MEGF11: variants seen among roughly 807,000 people sequenced by gnomAD.
The protein encoded by MEGF11 is multiple epidermal growth factor-like domains protein 11.
A neutral mutation model predicts 146.6 loss-of-function variants in MEGF11; 126 were observed. That is an observed-to-expected ratio of 0.86 (90% confidence interval 0.74 to 1.00). The LOEUF is 1.00. Among genes scored for constraint, MEGF11 ranks in the 50% least tolerant of loss-of-function variants. The pLI is 0.00. For missense variants in MEGF11, 1,509 were observed against 1,521.2 expected (o/e 0.99, Z 0.13); for synonymous variants, 532 against 583.4 (o/e 0.91, Z 1.27).
intron 4 of MEGF11, among the ~76,000 whole-genome samples, chr15:66,109,244 T>G (rs1238725087): frequency 6.6e-6 from 1 of 152,084 alleles, no homozygotes; most frequent in Non-Finnish European, 1.5e-5. Context: ...CCTTCACTGG[T>G]GGTCCATGCT....
chr15:66,205,457 A>T (rs1567283349), intron 1 of MEGF11, among the ~76,000 whole-genome samples: 1 of 152,076 alleles, frequency 6.6e-6, no homozygotes, highest in Non-Finnish European at 1.5e-5. Flanking sequence ...GGTGGTGGGG[A>T]TAACAGCCAT....
intron 15 of MEGF11, chr15:65,922,004 C>G: frequency 3.1e-6 from 1 of 327,182 alleles, no homozygotes; most frequent in Admixed American, 4.7e-5. Context: ...GCACTCGGCA[C>G]AGACCACATG....
chr15:65,997,169 G>T (rs1189624112), intron 5 of MEGF11, among the ~76,000 whole-genome samples: 3 of 152,224 alleles, frequency 2.0e-5, no homozygotes, highest in Non-Finnish European at 4.4e-5. Flanking sequence ...AATGACCCCT[G>T]GTTTCCCTGG....
chr15:66,178,562 G>C (rs2090455067), intron 1 of MEGF11, among the ~76,000 whole-genome samples: 1 of 152,222 alleles, frequency 6.6e-6, no homozygotes, highest in Non-Finnish European at 1.5e-5. Context: ...ATGCACAGCA[G>C]TCAGGAGAGC....
intron 4 of MEGF11, among the ~76,000 whole-genome samples, chr15:66,104,399 T>C (rs890793630): frequency 6.6e-6 from 1 of 152,240 alleles, no homozygotes; most frequent in Non-Finnish European, 1.5e-5. Flanking sequence ...CCTCTTACCC[T>C]CTTACCATAG....
intron 13 of MEGF11, among the ~76,000 whole-genome samples, chr15:65,923,828 T>G (rs1221872546): frequency 6.6e-6 from 1 of 152,186 alleles, no homozygotes; most frequent in African/African-American, 2.4e-5. Context: ...CCCTACAGCC[T>G]GAAGGTGAAG....
rs1555471326 is a variant in MEGF11 at position 66,107,064 on chromosome 15, C to CCA, written c.301+12021_301+12022insTG. ...AATGTTTATATTCCTACCCCCCCAC[C>CCA]AGGTATAGACAGGGAGGGGATGGTG... is the stretch of plus-strand genomic sequence containing the variant. On this transcript the variant is annotated intron_variant, in intron 4 of 25. Transcript: ENST00000395614. Among the ~76,000 whole-genome samples the CCA allele has an allele frequency of 2.6e-4, 39 of 148,344 alleles. No homozygotes were observed. In the South Asian group the frequency reaches 7.3e-3, roughly 28 times the overall value.
At chr15:66,132,131 G>A (rs1313824141) in intron 1 of MEGF11, among the ~76,000 whole-genome samples, 1 of 152,180 alleles carries the variant, frequency 6.6e-6, no homozygotes, top group African/African-American at 2.4e-5. Context: ...TTTGCTGGCT[G>A]AGCAGATCTT....
At chr15:66,099,291 T>C (rs2086687326) in intron 4 of MEGF11, among the ~76,000 whole-genome samples, 1 of 149,960 alleles carries the variant, frequency 6.7e-6, no homozygotes, top group South Asian at 2.1e-4. Context: ...CAAGTGATTC[T>C]CCTGCCTCAG....
At chr15:66,122,891 C>T (rs959606852) in intron 3 of MEGF11, among the ~76,000 whole-genome samples, 3 of 152,116 alleles carry the variant, frequency 2.0e-5, no homozygotes, top group Non-Finnish European at 2.9e-5. Flanking sequence ...TCATGCCATT[C>T]TCTTGCCTCA....
chr15:66,097,834 C>T (rs1290607136), intron 4 of MEGF11, among the ~76,000 whole-genome samples: 9 of 152,044 alleles, frequency 5.9e-5, no homozygotes, highest in East Asian at 5.8e-4. Context: ...TGCACCCACA[C>T]GTGTGATGCC....
At chr15:66,022,441 T>C (rs1233638743) in intron 5 of MEGF11, among the ~76,000 whole-genome samples, 2 of 152,242 alleles carry the variant, frequency 1.3e-5, no homozygotes, top group Non-Finnish European at 2.9e-5. Flanking sequence ...AAAATGTGCA[T>C]GCATGCAGGC....
intron 1 of MEGF11, among the ~76,000 whole-genome samples, chr15:66,142,607 C>G (rs2089210050): frequency 6.6e-6 from 1 of 152,134 alleles, no homozygotes; most frequent in South Asian, 2.1e-4. Context: ...ACAGGGAGGC[C>G]CTGTGAGGGG....
intron 10 of MEGF11, among the ~76,000 whole-genome samples, chr15:65,936,391 G>A (rs561641547): frequency 3.3e-5 from 5 of 152,304 alleles, no homozygotes; most frequent in Non-Finnish European, 7.4e-5. Context: ...GGTACATAAT[G>A]GATCCTTGAT....
intron 9 of MEGF11, 94 bp downstream of exon 9, chr15:65,964,814 C>T: frequency 1.7e-6 from 2 of 1,198,496 alleles, no homozygotes; most frequent in South Asian, 1.5e-5. Flanking sequence ...CCTGGATGTC[C>T]ATGCTAGAGG....
chr15:65,985,624 G>A (rs969443003), intron 5 of MEGF11, among the ~76,000 whole-genome samples: 6 of 152,148 alleles, frequency 3.9e-5, no homozygotes, highest in South Asian at 2.1e-4. Context: ...AAAACTAGCC[G>A]CCTGATAAGG....
intron 4 of MEGF11, among the ~76,000 whole-genome samples, chr15:66,102,432 T>A (rs1255509686): frequency 1.4e-5 from 2 of 145,780 alleles, no homozygotes; most frequent in African/African-American, 5.3e-5. Context: ...TTAAACATTT[T>A]CTTTTTTTTT....
chr15:66,090,000 C>T (rs1398184442), intron 5 of MEGF11, among the ~76,000 whole-genome samples: 1 of 152,208 alleles, frequency 6.6e-6, no homozygotes, highest in Non-Finnish European at 1.5e-5. Flanking sequence ...AGTGGTCCAT[C>T]TAACAGCCCA....
chr15:65,986,850 T>C (rs551753663), intron 5 of MEGF11, among the ~76,000 whole-genome samples: 5 of 143,694 alleles, frequency 3.5e-5, no homozygotes, highest in Admixed American at 2.3e-4. Context: ...TAGGCTGGAG[T>C]GCAGTGGTGC....
Sources: allele counts gnomAD v4.1 joint callset (sites outside exome capture counted in the v4.1 genomes callset), GRCh38; gene constraint gnomAD v4.1.1; transcripts MANE v1.5; gene names NCBI Gene and HGNC (gene_info 2026-07-23, HGNC 2026-07-21).